WDR70: variants seen among roughly 807,000 people sequenced by gnomAD.
The protein encoded by WDR70 is WD repeat-containing protein 70.
A neutral mutation model predicts 88.6 loss-of-function variants in WDR70; 53 were observed. The observed-to-expected ratio is 0.60, with a 90% CI of 0.48 to 0.75. The LOEUF (loss-of-function observed/expected upper bound fraction) is 0.75. Among genes scored for constraint, WDR70 ranks in the 30% least tolerant of loss-of-function variants. The pLI is 0.00. For missense variants in WDR70, 610 were observed against 823.2 expected, an observed-to-expected ratio of 0.74 and a Z score of 3.17; for synonymous variants, 280 against 270.0, an observed-to-expected ratio of 1.04 and a Z score of -0.36.
chr5:37,649,443 G>A (rs1745331241), intron 10 of WDR70, among the ~76,000 whole-genome samples: 1 of 149,092 alleles, frequency 6.7e-6, no homozygotes, highest in East Asian at 2.0e-4. Flanking sequence ...TTAATTTGGT[G>A]AGGCATACAA....
chr5:37,385,386 G>C (rs941607118), intron 3 of WDR70, among the ~76,000 whole-genome samples: 1 of 151,902 alleles, frequency 6.6e-6, no homozygotes, highest in African/African-American at 2.4e-5. Flanking sequence ...TGGGCATGGT[G>C]GTGCACACCT....
chr5:37,681,194 T>C (rs1003566114), intron 10 of WDR70, among the ~76,000 whole-genome samples: 29 of 152,204 alleles, frequency 1.9e-4, no homozygotes, highest in African/African-American at 6.8e-4. Context: ...TTTGATTCTT[T>C]TTGTGGATAT....
intron 17 of WDR70, among the ~76,000 whole-genome samples, chr5:37,751,835 C>T (rs566559145): frequency 6.6e-6 from 1 of 152,264 alleles, no homozygotes; most frequent in Admixed American, 6.5e-5. Context: ...TTACGAAGCA[C>T]AGAAAGTCTT....
intron 10 of WDR70, among the ~76,000 whole-genome samples, chr5:37,685,308 G>A (rs1746553438): frequency 6.6e-6 from 1 of 152,138 alleles, no homozygotes; most frequent in South Asian, 2.1e-4. Flanking sequence ...CCAGCAGAGT[G>A]ATGTAGGTGG....
intron 9 of WDR70, among the ~76,000 whole-genome samples, chr5:37,563,668 A>G (rs1440840939): frequency 5.7e-5 from 1 of 17,510 alleles, no homozygotes; most frequent in Non-Finnish European, 1.2e-4. Context: ...ACCCCCCCCC[A>G]CCTCCCTCCC....
intron 8 of WDR70, among the ~76,000 whole-genome samples, chr5:37,497,798 A>AT (rs935215242): frequency 5.9e-4 from 89 of 150,636 alleles, no homozygotes; most frequent in African/African-American, 1.9e-3. Context: ...GGTTGCACAG[A>AT]TTTTTTTTTG....
chr5:37,495,420 G>A (rs1381004689), intron 8 of WDR70, among the ~76,000 whole-genome samples: 3 of 151,958 alleles, frequency 2.0e-5, no homozygotes, highest in African/African-American at 7.3e-5. Context: ...AGTACAGACA[G>A]ATTACAGACA....
chr5:37,575,800 A>C (rs1284739653), intron 9 of WDR70, among the ~76,000 whole-genome samples: 1 of 152,180 alleles, frequency 6.6e-6, no homozygotes, highest in South Asian at 2.1e-4. Context: ...GGTTGTAGCC[A>C]AGTTAATTAG....
chr5:37,443,443 C>A, intron 7 of WDR70, 71 bp downstream of exon 7: 1 of 1,532,604 alleles, frequency 6.5e-7, no homozygotes. Flanking sequence ...GTGCTGTTGG[C>A]TTTGGAATCC....
intron 5 of WDR70, among the ~76,000 whole-genome samples, chr5:37,426,140 C>T (rs1750116336): frequency 1.3e-5 from 2 of 152,044 alleles, no homozygotes; most frequent in South Asian, 4.1e-4. Flanking sequence ...AGATCCTGCA[C>T]AGGTGGCCAA....
At chr5:37,422,329 G>T (rs1180635314) in intron 5 of WDR70, among the ~76,000 whole-genome samples, 1 of 131,114 alleles carries the variant, frequency 7.6e-6, no homozygotes, top group Admixed American at 7.9e-5. Flanking sequence ...TCACTCTGTC[G>T]CCCAGGCCGG....
intron 13 of WDR70, among the ~76,000 whole-genome samples, chr5:37,706,761 T>A (rs965571118): frequency 1.0e-4 from 15 of 149,958 alleles, no homozygotes; most frequent in South Asian, 4.2e-4. Flanking sequence ...ACACTCACAC[T>A]CTCTCTCTCT....
Position 37,596,077 on chromosome 5 carries a change from C to T in WDR70, c.918-8987C>T, listed in dbSNP as rs188635063. Among the ~76,000 whole-genome samples the T allele has an allele frequency of 2.3e-3, 343 of 152,262 alleles. 1 individual carries two copies. Among genetic ancestry groups the T allele is most frequent in the African/African-American group, 8.0e-3 (334 of 41,550 alleles). On this transcript the variant is annotated intron_variant, in intron 9 of 17. Coordinates refer to ENST00000265107, the MANE Select transcript of WDR70 (RefSeq NM_018034.4). ...CTTTCTTCTCCGCTTTATTTGGGAA[C>T]TTAATCGCTTAACATTACTGAAAGT...
chr5:37,587,404 A>G (rs1329428319), intron 9 of WDR70, among the ~76,000 whole-genome samples: 1 of 151,488 alleles, frequency 6.6e-6, no homozygotes, highest in African/African-American at 2.4e-5. Flanking sequence ...TTTTACACCA[A>G]TTTCTAGGAT....
chr5:37,500,283 G>T (rs1740367724), intron 8 of WDR70, among the ~76,000 whole-genome samples: 1 of 152,076 alleles, frequency 6.6e-6, no homozygotes. Context: ...CTTTTTTATG[G>T]CTGGGTATTT....
At chr5:37,638,403 T>G (rs557375149) in intron 10 of WDR70, among the ~76,000 whole-genome samples, 1 of 152,322 alleles carries the variant, frequency 6.6e-6, no homozygotes, top group Admixed American at 6.5e-5. Context: ...CTGATTGAGT[T>G]TTTATGGTTA....
chr5:37,451,984 C>T (rs1023586641), intron 7 of WDR70, among the ~76,000 whole-genome samples: 1 of 151,992 alleles, frequency 6.6e-6, no homozygotes, highest in African/African-American at 2.4e-5. Context: ...CAGAGTGAGA[C>T]TCCATCTCAA....
intron 17 of WDR70, among the ~76,000 whole-genome samples, chr5:37,727,581 A>T (rs1388241516): frequency 6.6e-6 from 1 of 151,954 alleles, no homozygotes; most frequent in South Asian, 2.1e-4. Context: ...TTTTATTTTT[A>T]TTTATTTATT....
At chr5:37,562,580 C>T (rs1285346856) in intron 9 of WDR70, among the ~76,000 whole-genome samples, 1 of 152,074 alleles carries the variant, frequency 6.6e-6, no homozygotes, top group African/African-American at 2.4e-5. Flanking sequence ...GGCAGAGGAC[C>T]CTGCGGCCTT....
Sources: gnomAD v4.1 joint callset for allele counts (sites outside exome capture counted in the v4.1 genomes callset) on GRCh38, gnomAD v4.1.1 for gene constraint, MANE v1.5 for transcripts, NCBI Gene and HGNC (gene_info 2026-07-23, HGNC 2026-07-21) for gene names.